The following CYP2U1 variants were observed in gnomAD, a reference collection of about 807,000 sequenced individuals.
CYP2U1 encodes the protein cytochrome P450 2U1.
In CYP2U1, 28 loss-of-function variants were observed where a neutral mutation model predicts 42.8. That is an observed-to-expected ratio of 0.65 (90% CI 0.48 to 0.90). CYP2U1 has a LOEUF of 0.90. Among genes scored for constraint, CYP2U1 ranks in the 40% least tolerant of loss-of-function variants. The pLI is 0.00. For synonymous variants in CYP2U1, 296 were observed against 278.9 expected (o/e 1.06, Z -0.61); for missense variants, 642 against 693.8 (o/e 0.93, Z 0.84).
At chr4:107,948,592 A>ATC (rs1553937836) in intron 3 of CYP2U1, among the ~76,000 whole-genome samples, 2,605 of 150,762 alleles carry the variant, frequency 0.017, 50 homozygotes, top group African/African-American at 0.049. Flanking sequence ...TAATAATAAT[A>ATC]ATCATCATCA....
chr4:107,937,299 G>C (rs943653559), intron 1 of CYP2U1: 1 of 152,174 alleles, frequency 6.6e-6, no homozygotes, highest in Non-Finnish European at 1.5e-5. Context: ...AACTGAGTAT[G>C]TAATAAAATA....
At chr4:107,940,248 T>G in intron 1 of CYP2U1, 1 of 75,752 alleles carries the variant, frequency 1.3e-5, no homozygotes, top group Non-Finnish European at 2.5e-5. Flanking sequence ...CCCAGCTAAT[T>G]AAAATTTTTT....
At chr4:107,942,952 T>G (rs1733550819) in intron 1 of CYP2U1, among the ~76,000 whole-genome samples, 1 of 152,210 alleles carries the variant, frequency 6.6e-6, no homozygotes, top group Non-Finnish European at 1.5e-5. Flanking sequence ...AAACTTCTGC[T>G]TATCAAATAA....
chr4:107,947,580 A>C (rs1733745803), intron 3 of CYP2U1, 43 bp downstream of exon 3: 2 of 1,605,296 alleles, frequency 1.2e-6, no homozygotes, highest in African/African-American at 2.7e-5. Flanking sequence ...TGACGGAAGC[A>C]GGGCCCTCTA....
rs369682117 is a variant in CYP2U1 at position 107,944,981 on chromosome 4, G to A, written c.502G>A (p.Ala168Thr). 9.3e-6 allele frequency: 15 copies of A among 1,609,664 alleles called. No homozygotes were observed. Among genetic ancestry groups the A allele is most frequent in the Non-Finnish European group, 1.3e-5 (15 of 1,178,152 alleles). Residue 168 changes from alanine (A) to threonine (T), a missense_variant, in exon 2 of 5, where the codon GCA becomes ACA. Ala to Thr is a moderately conservative substitution (Grantham distance 58). Transcript: ENST00000332884. ...IVTKEKGVVF[A>T]HYGPVWRQQR... ...GTGTCCCTTTGCAGGGGTTGTGTTT[G>A]CACATTATGGTCCCGTCTGGAGACA... is the stretch of plus-strand genomic sequence containing the variant.
intron 1 of CYP2U1, among the ~76,000 whole-genome samples, chr4:107,937,037 A>G (rs1306014949): frequency 6.6e-6 from 1 of 152,216 alleles, no homozygotes; most frequent in Non-Finnish European, 1.5e-5. Context: ...AAAAAGAAAC[A>G]CTGATTTGAC....
At position 107,949,572 on chromosome 4, in the gene CYP2U1, ATATTT is replaced by A. The variant is rs1326887330; in HGVS notation, c.1456+60_1456+64del. ...TTTTAAAAGAAGTAGAACTAAAATA[ATATTT>A]TATTATTTCATGTTGTTTTAAAAAT... On this transcript the variant is annotated intron_variant, in intron 4 of 4. Transcript: ENST00000332884. 7 of 1,297,726 alleles carry A rather than the reference ATATTT, an allele frequency of 5.4e-6. No individual in the cohort carries two copies. In the East Asian group the frequency reaches 1.1e-4, roughly 21 times the overall value. 80.4% of individuals were successfully genotyped at this position (1,297,726 alleles called of 1,614,324 possible).
Position 107,949,406 on chromosome 4 carries a change from G to A in CYP2U1, c.1345G>A (p.Val449Ile), listed in dbSNP as rs1733830733. The A allele has an allele frequency of 1.2e-6, 2 of 1,610,210 alleles. No homozygotes were observed. Among genetic ancestry groups the A allele is most frequent in the Non-Finnish European group, 1.7e-6 (2 of 1,177,954 alleles). The change falls in exon 4 of 5, where the codon GTA (valine) becomes ATA (isoleucine). Residue 449 changes from valine to isoleucine, a missense_variant. By Grantham distance (29) the Val-to-Ile change is conservative (BLOSUM62 3). Coordinates refer to ENST00000332884, the MANE Select transcript of CYP2U1 (RefSeq NM_183075.3). ...ATTGATCTTACCCAACCTGTGGTCA[G>A]TACATAGAGACCCAGCCATTTGGGA... Reference protein sequence around the residue: ...GTLILPNLWSVHRDPAIWEKP... With the variant: ...GTLILPNLWSIHRDPAIWEKP...
intron 1 of CYP2U1, chr4:107,940,260 T>A (rs1560698295): frequency 6.6e-6 from 1 of 151,178 alleles, no homozygotes; most frequent in Non-Finnish European, 1.5e-5. Flanking sequence ...AAATTTTTTT[T>A]TTATTTTTTA....
At position 107,951,125 on chromosome 4, in the gene CYP2U1, T is replaced by TA. The variant is rs1733892748; in HGVS notation, c.*708dup. Reference sequence around the variant, plus strand: ...TTGAGGAAAAAAGAAATTATAATTTTAAAAAATCCCTTGTAGGATTATTAT... The same window carrying TA: ...TTGAGGAAAAAAGAAATTATAATTTTAAAAAAATCCCTTGTAGGATTATTAT... On this transcript the variant is annotated 3_prime_UTR_variant, in exon 5 of 5. Transcript: ENST00000332884. The TA allele has an allele frequency of 6.6e-6, 1 of 152,200 alleles. No individual in the cohort carries two copies. Among genetic ancestry groups the TA allele is most frequent in the South Asian group, 2.1e-4 (1 of 4,832 alleles). The allele number at this position is 152,200 out of a possible 1,614,324, so 9.4% of individuals were successfully genotyped here.
chr4:107,931,591 T>G lies in CYP2U1; in HGVS notation c.-53T>G, dbSNP rs949650162. 1.6e-6 allele frequency: 2 copies of G among 1,232,152 alleles called. No individual in the cohort carries two copies. Among genetic ancestry groups the G allele is most frequent in the African/African-American group, 1.6e-5 (1 of 64,178 alleles). The allele number at this position is 1,232,152 out of a possible 1,614,324, so 76.3% of individuals were successfully genotyped here. A position where few individuals can be genotyped will look rare whatever the true frequency, so the allele number is the denominator to read the frequency against. ...TGGCGCCGCGGGTCAGGCAGCTGCG[T>G]GCGCGTCTCCTCCAGGCAGCAAGGG... On this transcript the variant is annotated 5_prime_UTR_variant, in exon 1 of 5. Coordinates refer to ENST00000332884, the MANE Select transcript of CYP2U1 (RefSeq NM_183075.3).
At chr4:107,950,151 A>G in intron 4 of CYP2U1, 94 bp from the exon 5 acceptor site, 1 of 1,262,260 alleles carries the variant, frequency 7.9e-7, no homozygotes, top group South Asian at 1.5e-5. Context: ...CATTTAGAAT[A>G]CTCAATTTAG....
intron 1 of CYP2U1, among the ~76,000 whole-genome samples, chr4:107,934,989 C>A (rs1733206108): frequency 6.6e-6 from 1 of 152,154 alleles, no homozygotes; most frequent in Non-Finnish European, 1.5e-5. Context: ...AGATTTTGTT[C>A]TTTTGTTAAC....
intron 3 of CYP2U1, among the ~76,000 whole-genome samples, chr4:107,949,005 A>G (rs1453408666): frequency 2.6e-5 from 4 of 152,170 alleles, no homozygotes; most frequent in African/African-American, 7.2e-5. Flanking sequence ...ACTAAGTTTT[A>G]TACATATTGG....
rs76663710 is a variant in CYP2U1 at position 107,949,110 on chromosome 4, T to C, written c.1289-240T>C. Among the ~76,000 whole-genome samples, 1,770 of 152,304 alleles carry C rather than the reference T, an allele frequency of 0.012. 91 individuals are homozygous for C. The East Asian group carries it at 0.18, about 15-fold the overall frequency. Reference sequence around the variant, plus strand: ...TGTAATGTTTTTATGGTTTTATTTATTAATTCAGCATTCATTGGAGCACTG... The same window carrying C: ...TGTAATGTTTTTATGGTTTTATTTACTAATTCAGCATTCATTGGAGCACTG... On this transcript the variant is annotated intron_variant, in intron 3 of 4. Coordinates refer to ENST00000332884, the MANE Select transcript of CYP2U1 (RefSeq NM_183075.3).
chr4:107,931,558 CA>C lies in CYP2U1; in HGVS notation c.-85del. 1 of 1,190,294 alleles carries C rather than the reference CA, an allele frequency of 8.4e-7. No homozygotes were observed. Among genetic ancestry groups the C allele is most frequent in the Non-Finnish European group, 1.0e-6 (1 of 956,388 alleles). The allele number at this position is 1,190,294 out of a possible 1,614,324, so 73.7% of individuals were successfully genotyped here. ...CCGCCCCCGACCTTCCAGAGCAGAG[CA>C]GGACACTGGCGCCGCGGGTCAGGCA... is the stretch of plus-strand genomic sequence containing the variant. On this transcript the variant is annotated 5_prime_UTR_variant, in exon 1 of 5. Coordinates refer to ENST00000332884, the MANE Select transcript of CYP2U1 (RefSeq NM_183075.3).
At position 107,951,969 on chromosome 4, in the gene CYP2U1, AC is replaced by A. The variant is rs1653776382; in HGVS notation, c.*1547del. On this transcript the variant is annotated 3_prime_UTR_variant, in exon 5 of 5. Transcript: ENST00000332884. ...GTGACTAAAGAACACTTTCAGAACC[AC>A]TTCTTGATTCTGCCACCACTTGATC... The A allele has an allele frequency of 6.6e-6, 1 of 152,196 alleles. No homozygotes were observed. Among genetic ancestry groups the A allele is most frequent in the African/African-American group, 2.4e-5 (1 of 41,444 alleles). 9.4% of individuals were successfully genotyped at this position (152,196 alleles called of 1,614,324 possible).
chr4:107,941,217 A>G (rs764006039), intron 1 of CYP2U1: 2 of 150,540 alleles, frequency 1.3e-5, no homozygotes, highest in African/African-American at 2.4e-5. Flanking sequence ...TCTAATATAT[A>G]TCTGTATTTA....
chr4:107,938,086 T>TACCCTTTTATCC (rs1560696962), intron 1 of CYP2U1: 1 of 152,212 alleles, frequency 6.6e-6, no homozygotes, highest in Non-Finnish European at 1.5e-5. Context: ...GAATTCCTTT[T>TACCCTTTTATCC]TTCTGACCTC....
Sources: allele counts gnomAD v4.1 joint callset (sites outside exome capture counted in the v4.1 genomes callset), GRCh38; gene constraint gnomAD v4.1.1; transcripts MANE v1.5; gene names NCBI Gene and HGNC (gene_info 2026-07-23, HGNC 2026-07-21).